ITGA8: variants seen among roughly 807,000 people sequenced by gnomAD.
ITGA8 encodes integrin subunit alpha 8.
In ITGA8, 91 loss-of-function variants were observed where a neutral mutation model predicts 142.3. The observed-to-expected ratio is 0.64, with a 90% CI of 0.54 to 0.76. The LOEUF is 0.76. Ranked by LOEUF, ITGA8 falls within the 30% of genes least tolerant of loss-of-function variation. The probability of loss-of-function intolerance (pLI) is 0.00; values close to 1 mark genes in which losing one functional copy is unlikely to be tolerated. For synonymous variants in ITGA8, 505 were observed against 485.2 expected, an observed-to-expected ratio of 1.04 and a Z score of -0.54; for missense variants, 1,406 against 1,327.7, an observed-to-expected ratio of 1.06 and a Z score of -0.92.
chr10:15,642,419 TATGACTACCATAATA>T (rs1833887508), intron 13 of ITGA8, among the ~76,000 whole-genome samples: 1 of 152,196 alleles, frequency 6.6e-6, no homozygotes, highest in South Asian at 2.1e-4. Flanking sequence ...GAAGGAGACC[TATGACTACCATAATA>T]AATAGCAGTA....
intron 2 of ITGA8, among the ~76,000 whole-genome samples, chr10:15,710,026 C>A (rs192254667): frequency 6.6e-6 from 1 of 152,124 alleles, no homozygotes; most frequent in Non-Finnish European, 1.5e-5. Flanking sequence ...TTAATCTTTA[C>A]AGCACTTTAG....
chr10:15,536,296 A>G (rs996590227), intron 27 of ITGA8, among the ~76,000 whole-genome samples: 3 of 149,870 alleles, frequency 2.0e-5, no homozygotes, highest in African/African-American at 2.5e-5. Context: ...TGTTGGAAGG[A>G]AAAAAAAATG....
At chr10:15,713,146 G>C (rs1012456975) in intron 2 of ITGA8, among the ~76,000 whole-genome samples, 9 of 152,176 alleles carry the variant, frequency 5.9e-5, no homozygotes, top group Admixed American at 3.3e-4. Context: ...CATGAAGTCT[G>C]AACAAACAGA....
chr10:15,570,864 A>G (rs975957243), intron 25 of ITGA8, among the ~76,000 whole-genome samples: 9 of 152,350 alleles, frequency 5.9e-5, no homozygotes, highest in African/African-American at 2.2e-4. Flanking sequence ...ACACTCAAAA[A>G]GAGTTAGAGG....
rs749475551 is a variant in ITGA8, at chr10:15,692,857, C to CA, written c.344-4820dup. Among the ~76,000 whole-genome samples the CA allele has an allele frequency of 7.9e-5, 12 of 152,322 alleles. No individual in the cohort carries two copies. The East Asian group carries it at 1.7e-3, about 22-fold the overall frequency. On this transcript the variant is annotated intron_variant, in intron 2 of 29. Transcript: ENST00000378076. Reference sequence around the variant, plus strand: ...CCAAGGCAGGTGGATCACTTGAGGCCAGGAGTTTGAGACCAGCCTGACCAA... The same window carrying CA: ...CCAAGGCAGGTGGATCACTTGAGGCCAAGGAGTTTGAGACCAGCCTGACCAA...
At chr10:15,578,875 G>A (rs576421024) in intron 23 of ITGA8, among the ~76,000 whole-genome samples, 1 of 152,126 alleles carries the variant, frequency 6.6e-6, no homozygotes, top group East Asian at 1.9e-4. Context: ...CTGATCCTTT[G>A]TACCACAAAA....
intron 17 of ITGA8, 99 bp downstream of exon 17, chr10:15,607,578 G>A: frequency 1.8e-6 from 2 of 1,097,152 alleles, no homozygotes; most frequent in Non-Finnish European, 1.4e-6. Flanking sequence ...ACAGACAGAT[G>A]GGGGTCTATG....
chr10:15,579,923 A>G (rs1834374359), intron 23 of ITGA8, among the ~76,000 whole-genome samples: 1 of 151,550 alleles, frequency 6.6e-6, no homozygotes, highest in African/African-American at 2.4e-5. Context: ...ATCTCCAGTC[A>G]AGCATAACAT....
intron 2 of ITGA8, among the ~76,000 whole-genome samples, chr10:15,692,875 C>G (rs1301496430): frequency 6.6e-6 from 1 of 152,170 alleles, no homozygotes; most frequent in African/African-American, 2.4e-5. Context: ...TGAGACCAGC[C>G]TGACCAATAT....
At chr10:15,606,258 T>A in intron 18 of ITGA8, 27 bp downstream of exon 18, 2 of 1,571,020 alleles carry the variant, frequency 1.3e-6, no homozygotes, top group Non-Finnish European at 1.7e-6. Flanking sequence ...CTTGAGAAAA[T>A]GCCGTCAAAG....
At chr10:15,662,229 G>C (rs1196847499) in intron 8 of ITGA8, among the ~76,000 whole-genome samples, 1 of 147,708 alleles carries the variant, frequency 6.8e-6, no homozygotes, top group African/African-American at 2.5e-5. Context: ...TCTAAGGCAA[G>C]TTTGAACTGT....
rs67683436 is a variant in ITGA8, at chr10:15,549,201, G to GTTTTTTTTTTTTTTTTTTTTTTTT, written c.2767-657_2767-634dup. Among the ~76,000 whole-genome samples the GTTTTTTTTTTTTTTTTTTTTTTTT allele has an allele frequency of 4.6e-4, 49 of 107,320 alleles. 5 individuals carry two copies. Among genetic ancestry groups the GTTTTTTTTTTTTTTTTTTTTTTTT allele is most frequent in the African/African-American group, 7.5e-4 (14 of 18,668 alleles). The allele number at this position is 107,320 out of a possible 152,430, so 70.4% of individuals were successfully genotyped here. On this transcript the variant is annotated intron_variant, in intron 26 of 29. Coordinates refer to ENST00000378076, the MANE Select transcript of ITGA8 (RefSeq NM_003638.3). The stretch of plus-strand genomic sequence containing the variant: ...TTCTTTCTTTTTTCTTTTCTTTTCT[G>GTTTTTTTTTTTTTTTTTTTTTTTT]TTTTTTTTTTTTTTTTTTTTTTTTT...
intron 10 of ITGA8, among the ~76,000 whole-genome samples, chr10:15,657,661 T>A (rs1834211797): frequency 6.6e-6 from 1 of 152,150 alleles, no homozygotes; most frequent in South Asian, 2.1e-4. Context: ...AATACTGAGT[T>A]GGTGCTTCCG....
chr10:15,646,925 G>A lies in ITGA8; in HGVS notation c.1128C>T (p.Ile376=). The A allele has an allele frequency of 6.2e-7, 1 of 1,614,016 alleles. No homozygotes were observed. The change falls in exon 12 of 30, where the codon ATC becomes ATT. Residue 376 remains isoleucine (I), a synonymous_variant. Transcript: ENST00000378076. ...TCCCAAACGTCTCGGTGCCAGTGAG[G>A]ATCTGGGGGTCTCTGAAGAGGAGAG... The part of the protein sequence containing the change: ...VSSLLFRDPQ[I]LTGTETFGRF...
intron 23 of ITGA8, among the ~76,000 whole-genome samples, chr10:15,582,163 C>T (rs1834420115): frequency 6.6e-6 from 1 of 152,154 alleles, no homozygotes; most frequent in Non-Finnish European, 1.5e-5. Context: ...CACTTGAGCT[C>T]AGGAGTTGGA....
Position 15,646,974 on chromosome 10 carries a change from A to G in ITGA8, c.1079T>C (p.Ile360Thr). 1 of 1,614,032 alleles carries G rather than the reference A, an allele frequency of 6.2e-7. No homozygotes were observed. The highest frequency in any genetic ancestry group is 8.5e-7 in the Non-Finnish European group (1 of 1,180,008). ...AGAGCTCACTTGCAAATACAGGTAGATTTGCCCTACTTCTCTGGGGTTGCT... is the reference window on the plus strand; with the variant it reads ...AGAGCTCACTTGCAAATACAGGTAGGTTTGCCCTACTTCTCTGGGGTTGCT... ...FESNPREVGQIYLYLQVSSLL... is the reference protein window; with the variant it reads ...FESNPREVGQTYLYLQVSSLL... The change falls in exon 12 of 30, where the codon ATC becomes ACC. Residue 360 changes from isoleucine to threonine, a missense_variant. Coordinates refer to ENST00000378076, the MANE Select transcript of ITGA8 (RefSeq NM_003638.3).
At chr10:15,672,091 A>G (rs1241630104) in intron 7 of ITGA8, among the ~76,000 whole-genome samples, 1 of 152,168 alleles carries the variant, frequency 6.6e-6, no homozygotes, top group African/African-American at 2.4e-5. Flanking sequence ...ATACCTCATG[A>G]TGGTTTTCCA....
chr10:15,642,990 G>A (rs865790709), intron 13 of ITGA8, among the ~76,000 whole-genome samples: 1 of 152,188 alleles, frequency 6.6e-6, no homozygotes, highest in Admixed American at 6.5e-5. Flanking sequence ...TGACTTCTAA[G>A]TATTTATTGA....
chr10:15,684,740 A>G, intron 3 of ITGA8, among the ~76,000 whole-genome samples: 1 of 152,184 alleles, frequency 6.6e-6, no homozygotes, highest in East Asian at 1.9e-4. Context: ...AAAAGCGAAT[A>G]ACTCATATTT....
Sources: gnomAD v4.1 joint callset for allele counts (sites outside exome capture counted in the v4.1 genomes callset) on GRCh38, gnomAD v4.1.1 for gene constraint, MANE v1.5 for transcripts, NCBI Gene and HGNC (gene_info 2026-07-23, HGNC 2026-07-21) for gene names.